The following YAP1 variants were observed in gnomAD, a reference collection of about 807,000 sequenced individuals.
YAP1 encodes Yes1 associated transcriptional regulator.
In YAP1, 5 loss-of-function variants were observed where a neutral mutation model predicts 56.9. The ratio of observed to expected loss-of-function variants is 0.09; its 90% CI spans 0.05 to 0.18. The LOEUF (loss-of-function observed/expected upper bound fraction) is 0.18, where lower values mean the gene tolerates loss of function less well. Among genes scored for constraint, YAP1 ranks in the 10% least tolerant of loss-of-function variants. YAP1 has a pLI of 1.00. For synonymous variants in YAP1, 265 were observed against 248.1 expected, an observed-to-expected ratio of 1.07 and a Z score of -0.64; for missense variants, 539 against 651.8, an observed-to-expected ratio of 0.83 and a Z score of 1.88.
chr11:102,176,745 CAAAAAAAAAAAAAAAAAAAAA>C (rs57082707), intron 3 of YAP1, among the ~76,000 whole-genome samples: 1 of 45,480 alleles, frequency 2.2e-5, no homozygotes, highest in African/African-American at 8.9e-5. Flanking sequence ...GACTCCGTCT[CAAAAAAAAAAAAAAAAAAAAA>C]AAAAAAAAAA....
At chr11:102,120,038 G>A (rs1943556189) in intron 2 of YAP1, among the ~76,000 whole-genome samples, 4 of 152,150 alleles carry the variant, frequency 2.6e-5, no homozygotes, top group Admixed American at 2.6e-4. Context: ...CTATAACTGT[G>A]GTTACTAGGT....
chr11:102,136,762 T>C (rs1475983122), intron 2 of YAP1, among the ~76,000 whole-genome samples: 3 of 152,224 alleles, frequency 2.0e-5, no homozygotes, highest in Non-Finnish European at 4.4e-5. Flanking sequence ...CCAGTTTTCC[T>C]AGGACGATTT....
intron 4 of YAP1, among the ~76,000 whole-genome samples, chr11:102,205,155 AT>A (rs11436634): frequency 6.1e-5 from 9 of 148,558 alleles, no homozygotes; most frequent in Admixed American, 6.7e-5. Context: ...TCAAAAAAAA[AT>A]TTTTTTTTTT....
chr11:102,128,357 C>T (rs897508012), intron 2 of YAP1, among the ~76,000 whole-genome samples: 2 of 152,114 alleles, frequency 1.3e-5, no homozygotes, highest in African/African-American at 4.8e-5. Context: ...ATGAATAAGT[C>T]TCACGAGATC....
chr11:102,176,545 G>C (rs1211243540), intron 3 of YAP1, among the ~76,000 whole-genome samples: 6 of 151,782 alleles, frequency 4.0e-5, no homozygotes, highest in Admixed American at 1.3e-4. Flanking sequence ...AGGAGTTTGA[G>C]ACCAGCCTGG....
chr11:102,214,184 A>C (rs1949554727), intron 6 of YAP1, among the ~76,000 whole-genome samples: 1 of 152,248 alleles, frequency 6.6e-6, no homozygotes. Context: ...TTAGGTGGTC[A>C]AAAGTATGAT....
intron 3 of YAP1, among the ~76,000 whole-genome samples, chr11:102,166,028 C>T (rs534182273): frequency 2.6e-4 from 39 of 152,202 alleles, no homozygotes; most frequent in Non-Finnish European, 4.4e-4. Context: ...TTTATGGGGA[C>T]GGTCAGACAG....
chr11:102,200,769 A>G (rs1948812408), intron 4 of YAP1, among the ~76,000 whole-genome samples: 1 of 152,176 alleles, frequency 6.6e-6, no homozygotes, highest in Non-Finnish European at 1.5e-5. Flanking sequence ...ATGAAAAACA[A>G]GCAAAAAGAT....
intron 2 of YAP1, among the ~76,000 whole-genome samples, chr11:102,162,063 C>T (rs910481814): frequency 6.6e-6 from 1 of 152,146 alleles, no homozygotes; most frequent in African/African-American, 2.4e-5. Context: ...TGTTATTTGG[C>T]ATTCTTATCT....
At chr11:102,142,942 A>G (rs554933426) in intron 2 of YAP1, among the ~76,000 whole-genome samples, 1 of 152,334 alleles carries the variant, frequency 6.6e-6, no homozygotes, top group African/African-American at 2.4e-5. Context: ...TGTATCTTAA[A>G]TACTTAGGTG....
intron 2 of YAP1, among the ~76,000 whole-genome samples, chr11:102,157,879 A>G (rs1946045832): frequency 1.3e-5 from 2 of 152,366 alleles, no homozygotes; most frequent in South Asian, 4.1e-4. Context: ...AACACAATGA[A>G]GACAGTCTTA....
intron 2 of YAP1, among the ~76,000 whole-genome samples, chr11:102,157,345 A>G (rs1317211866): frequency 1.3e-5 from 2 of 152,206 alleles, no homozygotes; most frequent in Non-Finnish European, 2.9e-5. Context: ...TGAACAATGT[A>G]TCATTGTTCC....
At chr11:102,185,869 CCTTT>C in intron 3 of YAP1, 145 bp from the exon 4 acceptor site, 1 of 704,008 alleles carries the variant, frequency 1.4e-6, no homozygotes. Context: ...TATAGGTTTA[CCTTT>C]CTTCTCTGAA....
intron 3 of YAP1, among the ~76,000 whole-genome samples, chr11:102,166,191 G>A (rs1202783812): frequency 6.6e-6 from 1 of 152,182 alleles, no homozygotes; most frequent in Non-Finnish European, 1.5e-5. Flanking sequence ...AATCAGACAA[G>A]TTTATATCTG....
At chr11:102,146,822 T>TA (rs1305579027) in intron 2 of YAP1, among the ~76,000 whole-genome samples, 2 of 152,216 alleles carry the variant, frequency 1.3e-5, no homozygotes, top group African/African-American at 4.8e-5. Context: ...TGGGTCCATA[T>TA]CTCTAATTCC....
intron 3 of YAP1, among the ~76,000 whole-genome samples, chr11:102,182,863 A>G (rs1022290131): frequency 2.6e-5 from 4 of 152,210 alleles, no homozygotes; most frequent in South Asian, 4.1e-4. Context: ...AATATAAAGT[A>G]TTATTTTGTA....
chr11:102,173,114 G>T (rs950483884), intron 3 of YAP1, among the ~76,000 whole-genome samples: 9 of 152,200 alleles, frequency 5.9e-5, no homozygotes, highest in Non-Finnish European at 1.2e-4. Flanking sequence ...CAAAGTGGTG[G>T]TGATGAAAGT....
At chr11:102,132,759 C>A (rs561430916) in intron 2 of YAP1, among the ~76,000 whole-genome samples, 2 of 152,144 alleles carry the variant, frequency 1.3e-5, no homozygotes, top group African/African-American at 2.4e-5. Context: ...GAATATAAAC[C>A]GTTTACACAC....
intron 3 of YAP1, among the ~76,000 whole-genome samples, chr11:102,171,092 T>C (rs1245779438): frequency 1.3e-5 from 2 of 152,326 alleles, no homozygotes; most frequent in African/African-American, 4.8e-5. Flanking sequence ...TTTTCTTCAG[T>C]GATTATTTGT....
Sources: allele counts gnomAD v4.1 joint callset (sites outside exome capture counted in the v4.1 genomes callset), GRCh38; gene constraint gnomAD v4.1.1; transcripts MANE v1.5; gene names NCBI Gene and HGNC (gene_info 2026-07-23, HGNC 2026-07-21).